PTCHD4: variants seen among roughly 807,000 people sequenced by gnomAD.
The protein encoded by PTCHD4 is patched domain containing 4, also known as patched domain-containing protein 4.
PTCHD4 carries 33 observed loss-of-function variants against 58.1 expected under a neutral mutation model. That is an observed-to-expected ratio of 0.57 (90% CI 0.43 to 0.76). The LOEUF is 0.76. Among genes scored for constraint, PTCHD4 ranks in the 30% least tolerant of loss-of-function variants. The pLI, the probability that PTCHD4 is intolerant of heterozygous loss-of-function variation, is 0.00. For synonymous variants in PTCHD4, 478 were observed against 409.6 expected (o/e 1.17, Z -2.02); for missense variants, 1,058 against 1,027.1 (o/e 1.03, Z -0.41).
At chr6:47,983,283 C>T (rs980080913) in intron 4 of PTCHD4, among the ~76,000 whole-genome samples, 2 of 151,874 alleles carry the variant, frequency 1.3e-5, no homozygotes, top group African/African-American at 4.8e-5. Flanking sequence ...TGAATTTCAC[C>T]ATATTAAAAA....
chr6:47,871,257 G>A lies in PTCHD4; in HGVS notation c.*7046C>T, dbSNP rs1457925417. On this transcript the variant is annotated 3_prime_UTR_variant, in exon 5 of 5. Transcript: ENST00000339488. ...CGATTTAGCAGAAAATAATAGCAATGCCTTCCAGAGGAAAAGAAAACTTAA... is the reference window on the plus strand; with the variant it reads ...CGATTTAGCAGAAAATAATAGCAATACCTTCCAGAGGAAAAGAAAACTTAA... 6.6e-6 allele frequency among the ~76,000 whole-genome samples: 1 copy of A among 151,604 alleles called. No individual in the cohort carries two copies. Among genetic ancestry groups the A allele is most frequent in the Non-Finnish European group, 1.5e-5 (1 of 67,698 alleles).
At chr6:47,985,923 G>T (rs1440444449) in intron 4 of PTCHD4, among the ~76,000 whole-genome samples, 1 of 151,858 alleles carries the variant, frequency 6.6e-6, no homozygotes, top group Non-Finnish European at 1.5e-5. Context: ...TCTGCTTCAT[G>T]AAAAATTTCA....
chr6:47,915,423 T>C (rs554584063), intron 4 of PTCHD4, among the ~76,000 whole-genome samples: 33 of 152,244 alleles, frequency 2.2e-4, no homozygotes, highest in African/African-American at 7.5e-4. Flanking sequence ...TGACAATTCC[T>C]GGGTAGAGAG....
Position 47,873,708 on chromosome 6 carries a change from C to G in PTCHD4, c.*4595G>C, listed in dbSNP as rs1466073066. 1.3e-5 allele frequency among the ~76,000 whole-genome samples: 2 copies of G among 151,610 alleles called. No individual in the cohort carries two copies. Among genetic ancestry groups the G allele is most frequent in the Admixed American group, 6.6e-5 (1 of 15,186 alleles). ...TAAAATATTAGCATAAAGGTCCGCA[C>G]CACAGTGATGATGTTCAATTTCATA... On this transcript the variant is annotated 3_prime_UTR_variant, in exon 5 of 5. Transcript: ENST00000339488.
intron 4 of PTCHD4, among the ~76,000 whole-genome samples, chr6:47,898,853 G>T (rs532008444): frequency 2.6e-5 from 4 of 152,294 alleles, no homozygotes; most frequent in African/African-American, 9.6e-5. Flanking sequence ...AAGAAGAAGA[G>T]AAGCAAGTGT....
chr6:47,862,328 C>G lies in PTCHD4; in HGVS notation c.*15975G>C, dbSNP rs1763449733. On this transcript the variant is annotated 3_prime_UTR_variant, in exon 5 of 5. Coordinates refer to ENST00000339488, the MANE Select transcript of PTCHD4 (RefSeq NM_001384253.1). ...AAGATCTACTTACAACCATTTTCAA[C>G]ACATACTAAATTTTTTTTGTAGGCT... Among the ~76,000 whole-genome samples the G allele has an allele frequency of 6.6e-6, 1 of 151,572 alleles. No individual in the cohort carries two copies. Among genetic ancestry groups the G allele is most frequent in the African/African-American group, 2.4e-5 (1 of 41,336 alleles).
chr6:48,005,735 C>T (rs1326256989), intron 4 of PTCHD4, among the ~76,000 whole-genome samples: 1 of 152,164 alleles, frequency 6.6e-6, no homozygotes, highest in Non-Finnish European at 1.5e-5. Context: ...TTGAGGATAA[C>T]ATATACTTTA....
intron 4 of PTCHD4, among the ~76,000 whole-genome samples, chr6:47,985,964 A>G (rs1768051331): frequency 4.2e-5 from 6 of 143,400 alleles, no homozygotes; most frequent in Admixed American, 3.0e-4. Flanking sequence ...TTGTCTATGT[A>G]AGCATATATA....
At chr6:48,103,468 A>G (rs1471540369) in intron 1 of PTCHD4, among the ~76,000 whole-genome samples, 1 of 152,200 alleles carries the variant, frequency 6.6e-6, no homozygotes, top group African/African-American at 2.4e-5. Context: ...ACCATCATCA[A>G]AGACCAAAGG....
intron 3 of PTCHD4, among the ~76,000 whole-genome samples, chr6:48,052,191 T>C (rs1264607193): frequency 6.6e-6 from 1 of 152,026 alleles, no homozygotes; most frequent in African/African-American, 2.4e-5. Context: ...AGGAGGTGCA[T>C]TAATTTCTTG....
rs978184316 is a variant in PTCHD4, at chr6:48,068,745, C to G, written c.6-104G>C. ...CTCCCCACCGCCGCCGCCTCCCCACCCACTCCGCGCTCACCCCACAACCAC... is the reference window on the plus strand; with the variant it reads ...CTCCCCACCGCCGCCGCCTCCCCACGCACTCCGCGCTCACCCCACAACCAC... On this transcript the variant is annotated intron_variant, in intron 2 of 4. Transcript: ENST00000339488. The surrounding 1 kb of genome is among the most constrained non-coding windows in gnomAD (Gnocchi z 4.2). 1.9e-5 allele frequency: 21 copies of G among 1,124,228 alleles called. No homozygotes were observed. Among genetic ancestry groups the G allele is most frequent in the Non-Finnish European group, 2.5e-5 (20 of 807,250 alleles). 69.6% of individuals were successfully genotyped at this position (1,124,228 alleles called of 1,614,324 possible). A position where few individuals can be genotyped will look rare whatever the true frequency, so the allele number is the denominator to read the frequency against.
intron 4 of PTCHD4, among the ~76,000 whole-genome samples, chr6:47,880,922 A>G (rs1764003251): frequency 6.6e-6 from 1 of 152,098 alleles, no homozygotes; most frequent in Non-Finnish European, 1.5e-5. Context: ...CCCTTTTTTC[A>G]CTTCCCTGAA....
At chr6:47,890,167 G>T (rs1323814620) in intron 4 of PTCHD4, among the ~76,000 whole-genome samples, 1 of 151,480 alleles carries the variant, frequency 6.6e-6, no homozygotes, top group Non-Finnish European at 1.5e-5. Context: ...GTCTGTGTGT[G>T]TATATATGTA....
At chr6:47,929,725 T>C (rs549068652) in intron 4 of PTCHD4, among the ~76,000 whole-genome samples, 26 of 152,366 alleles carry the variant, frequency 1.7e-4, no homozygotes, top group African/African-American at 5.8e-4. Context: ...CACAGGTGAT[T>C]TGTGGATATC....
At chr6:47,931,064 C>T (rs1263046660) in intron 4 of PTCHD4, among the ~76,000 whole-genome samples, 13 of 152,246 alleles carry the variant, frequency 8.5e-5, no homozygotes, top group African/African-American at 2.2e-4. Context: ...GGATTACAGG[C>T]GTGAGCCACC....
At position 48,068,368 on chromosome 6, in the gene PTCHD4, C is replaced by T. The variant is rs1175996111; in HGVS notation, c.279G>A (p.Gln93=). 2 of 1,613,958 alleles carry T rather than the reference C, an allele frequency of 1.2e-6. No individual in the cohort carries two copies. The highest frequency in any genetic ancestry group is 1.7e-6 in the Non-Finnish European group (2 of 1,179,892). Reference sequence around the variant, plus strand: ...AGTCCGAATAGAGCTGGCTTTTGGACTGGTCCAGGGGGAAAAGGCTGCTGG... The same window carrying T: ...AGTCCGAATAGAGCTGGCTTTTGGATTGGTCCAGGGGGAAAAGGCTGCTGG... The part of the protein sequence containing the change: ...SLASSLFPLD[Q]SKSQLYSDLH... Residue 93 remains glutamine, a synonymous_variant, in exon 3 of 5, where the codon CAG becomes CAA. Transcript: ENST00000339488. The surrounding 1 kb of genome is among the most constrained non-coding windows in gnomAD (Gnocchi z 4.2).
intron 3 of PTCHD4, among the ~76,000 whole-genome samples, chr6:48,031,102 C>T (rs528007574): frequency 2.0e-4 from 30 of 152,090 alleles, no homozygotes; most frequent in Non-Finnish European, 3.1e-4. Context: ...CTAATCTGTG[C>T]ACTTTCTTGT....
chr6:47,915,983 G>C (rs1201037813), intron 4 of PTCHD4, among the ~76,000 whole-genome samples: 1 of 152,128 alleles, frequency 6.6e-6, no homozygotes. Flanking sequence ...TCCTGTTTCA[G>C]TGTTATCATC....
chr6:48,052,921 A>G (rs1353186450), intron 3 of PTCHD4, among the ~76,000 whole-genome samples: 1 of 152,136 alleles, frequency 6.6e-6, no homozygotes, highest in African/African-American at 2.4e-5. Context: ...TTGTGAACCC[A>G]CTGGACTTCT....
Sources: gnomAD v4.1 joint callset for allele counts (sites outside exome capture counted in the v4.1 genomes callset) on GRCh38, gnomAD v4.1.1 for gene constraint, Gnocchi (gnomAD v3.1) non-coding constraint, MANE v1.5 for transcripts, NCBI Gene and HGNC (gene_info 2026-07-23, HGNC 2026-07-21) for gene names.